Variants in MAN1A2 observed in about 807,000 individuals in gnomAD.
MAN1A2 encodes mannosyl-oligosaccharide 1,2-alpha-mannosidase IB.
In MAN1A2, 26 loss-of-function variants were observed where a neutral mutation model predicts 75.7. That is an observed-to-expected ratio of 0.34 (90% CI 0.25 to 0.48). The LOEUF (loss-of-function observed/expected upper bound fraction) is 0.48. Among genes scored for constraint, MAN1A2 ranks in the 20% least tolerant of loss-of-function variants. The probability of loss-of-function intolerance (pLI) is 0.99; values close to 1 mark genes in which losing one functional copy is unlikely to be tolerated. For missense variants in MAN1A2, 562 were observed against 775.5 expected, an observed-to-expected ratio of 0.72 and a Z score of 3.27; for synonymous variants, 247 against 264.6, an observed-to-expected ratio of 0.93 and a Z score of 0.65.
intron 7 of MAN1A2, among the ~76,000 whole-genome samples, chr1:117,463,107 TATTA>T (rs920060874): frequency 1.1e-4 from 16 of 150,720 alleles, no homozygotes; most frequent in Non-Finnish European, 1.8e-4. Context: ...AATATTTTTA[TATTA>T]ATTATGTTAA....
intron 8 of MAN1A2, among the ~76,000 whole-genome samples, chr1:117,491,033 C>T (rs974258996): frequency 6.6e-6 from 1 of 151,926 alleles, no homozygotes; most frequent in Non-Finnish European, 1.5e-5. Flanking sequence ...AAGGAAGCTG[C>T]CTCCAAAACA....
chr1:117,525,023 C>A lies in MAN1A2; in HGVS notation c.*2066C>A. ...GAGCAGCAGTGCAGATGGCAATGAA[C>A]TCTCTGAATTCTCTTTTACCTTATT... On this transcript the variant is annotated 3_prime_UTR_variant, in exon 13 of 13. Transcript: ENST00000356554. The A allele has an allele frequency of 2.1e-6, 1 of 467,376 alleles. No homozygotes were observed. The highest frequency in any genetic ancestry group is 2.0e-5 in the African/African-American group (1 of 50,374). The allele number at this position is 467,376 out of a possible 1,614,324, so 29.0% of individuals were successfully genotyped here. A position where few individuals can be genotyped will look rare whatever the true frequency, so the allele number is the denominator to read the frequency against.
intron 12 of MAN1A2, 76 bp downstream of exon 12, chr1:117,503,046 C>A: frequency 1.4e-6 from 1 of 699,740 alleles, no homozygotes; most frequent in Non-Finnish European, 2.3e-6. Context: ...TGAATTACAA[C>A]TATGTGACAG....
Position 117,414,791 on chromosome 1 carries a change from A to C in MAN1A2, c.734A>C (p.Asp245Ala), listed in dbSNP as rs767302157. The C allele has an allele frequency of 6.2e-7, 1 of 1,609,312 alleles. No homozygotes were observed. The highest frequency in any genetic ancestry group is 1.7e-5 in the Admixed American group (1 of 59,808). ...ATGGGACTTCATGATGAATTCCTAG[A>C]TGGGCAAAGATGGATTGAAGACAAC... ...YIMGLHDEFL[D>A]GQRWIEDNLD... is the part of the protein sequence containing the mutation. The change falls in exon 4 of 13, where the codon GAT becomes GCT. Residue 245 changes from aspartate to alanine, a missense_variant. Physicochemically the swap from Asp to Ala is moderately radical, Grantham distance 126. This residue lies in a region of MAN1A2 where 434 missense variants were observed against 645.7 expected (regional missense o/e 0.67). Transcript: ENST00000356554.
chr1:117,481,367 C>A (rs180947482), intron 8 of MAN1A2, among the ~76,000 whole-genome samples: 4 of 151,708 alleles, frequency 2.6e-5, no homozygotes, highest in Non-Finnish European at 5.9e-5. Context: ...CTTCTGTTCA[C>A]TTCTCAATAC....
At chr1:117,518,031 C>G (rs1651764554) in intron 12 of MAN1A2, among the ~76,000 whole-genome samples, 1 of 151,854 alleles carries the variant, frequency 6.6e-6, no homozygotes, top group Admixed American at 6.6e-5. Flanking sequence ...TACAGAGGAT[C>G]TTTATATCAT....
chr1:117,383,188 C>G (rs1653409651), intron 1 of MAN1A2, among the ~76,000 whole-genome samples: 1 of 152,114 alleles, frequency 6.6e-6, no homozygotes, highest in Non-Finnish European at 1.5e-5. Flanking sequence ...TGCCCTTTAT[C>G]ATGTTGAGGA....
chr1:117,395,157 T>C (rs116765687), intron 1 of MAN1A2, among the ~76,000 whole-genome samples: 2,129 of 152,278 alleles, frequency 0.014, 23 homozygotes, highest in Non-Finnish European at 0.02. Context: ...TTTAGCAGGA[T>C]CATGGGTCTA....
intron 8 of MAN1A2, among the ~76,000 whole-genome samples, chr1:117,484,135 C>G (rs1276305178): frequency 2.0e-5 from 3 of 151,746 alleles, no homozygotes; most frequent in Non-Finnish European, 4.4e-5. Flanking sequence ...AGAAGTCTTA[C>G]CAATAACATA....
Position 117,368,161 on chromosome 1 carries a change from T to G in MAN1A2, c.-23T>G. On this transcript the variant is annotated 5_prime_UTR_variant, in exon 1 of 13. Coordinates refer to ENST00000356554, the MANE Select transcript of MAN1A2 (RefSeq NM_006699.5). The stretch of plus-strand genomic sequence containing the variant: ...GACATAAGATGAGAACTTTCTAAAG[T>G]ATTCTCTCCAAGAGCGTAAACGATG... The G allele has an allele frequency of 6.4e-7, 1 of 1,572,338 alleles. No individual in the cohort carries two copies.
At chr1:117,468,649 T>C (rs1326630993) in intron 8 of MAN1A2, among the ~76,000 whole-genome samples, 1 of 152,168 alleles carries the variant, frequency 6.6e-6, no homozygotes, top group African/African-American at 2.4e-5. Flanking sequence ...TTGTAGCTAG[T>C]GCTTCTACAT....
At chr1:117,438,824 A>G (rs1353294085) in intron 5 of MAN1A2, among the ~76,000 whole-genome samples, 2 of 152,170 alleles carry the variant, frequency 1.3e-5, no homozygotes, top group African/African-American at 2.4e-5. Context: ...GGTTTGTGTA[A>G]GTATACCCTA....
chr1:117,509,049 T>C (rs1252124817), intron 12 of MAN1A2, among the ~76,000 whole-genome samples: 3 of 151,384 alleles, frequency 2.0e-5, no homozygotes, highest in Non-Finnish European at 4.4e-5. Flanking sequence ...ACCCTAGGGA[T>C]GAAGATGGCA....
intron 6 of MAN1A2, among the ~76,000 whole-genome samples, chr1:117,444,418 G>T (rs1649144242): frequency 6.7e-6 from 1 of 150,148 alleles, no homozygotes; most frequent in Non-Finnish European, 1.5e-5. Context: ...TTAATCTGTG[G>T]GACAGATTTC....
At chr1:117,512,613 AG>A (rs1651570797) in intron 12 of MAN1A2, among the ~76,000 whole-genome samples, 1 of 152,104 alleles carries the variant, frequency 6.6e-6, no homozygotes, top group Admixed American at 6.6e-5. Context: ...CAGGTGGGCA[AG>A]TCTTTGCTTA....
intron 6 of MAN1A2, among the ~76,000 whole-genome samples, chr1:117,458,497 C>CTATATATATATAGA: frequency 9.6e-6 from 1 of 103,784 alleles, no homozygotes; most frequent in African/African-American, 3.3e-5. Context: ...ATATATATAT[C>CTATATATATATAGA]TATATATATA....
In MAN1A2 at chr1:117,525,208, A is replaced by G. The variant is rs1651977524; in HGVS notation, c.*2251A>G. On this transcript the variant is annotated 3_prime_UTR_variant, in exon 13 of 13. Coordinates refer to ENST00000356554, the MANE Select transcript of MAN1A2 (RefSeq NM_006699.5). Reference sequence around the variant, plus strand: ...ATACAAGCAGAGCCAGTTCTGGTACAAACAAAGAATTTGACAGGGACAATG... The same window carrying G: ...ATACAAGCAGAGCCAGTTCTGGTACGAACAAAGAATTTGACAGGGACAATG... 2.0e-6 allele frequency: 1 copy of G among 488,418 alleles called. No individual in the cohort carries two copies. The highest frequency in any genetic ancestry group is 1.5e-5 in the South Asian group (1 of 65,400). 30.3% of individuals were successfully genotyped at this position (488,418 alleles called of 1,614,324 possible). A position where few individuals can be genotyped will look rare whatever the true frequency, so the allele number is the denominator to read the frequency against.
chr1:117,516,178 C>G (rs1392512588), intron 12 of MAN1A2, among the ~76,000 whole-genome samples: 1 of 151,958 alleles, frequency 6.6e-6, no homozygotes, highest in Non-Finnish European at 1.5e-5. Context: ...TGGATTCTTG[C>G]AGTAATTTAA....
intron 3 of MAN1A2, among the ~76,000 whole-genome samples, chr1:117,408,014 C>T (rs1647669441): frequency 6.6e-6 from 1 of 152,106 alleles, no homozygotes; most frequent in African/African-American, 2.4e-5. Context: ...GAGGATGGGA[C>T]ATGTTCTTTT....
Sources: gnomAD v4.1 joint callset for allele counts (sites outside exome capture counted in the v4.1 genomes callset) on GRCh38, gnomAD v4.1.1 for gene constraint, gnomAD v4.1.1 regional missense constraint, MANE v1.5 for transcripts, NCBI Gene and HGNC (gene_info 2026-07-23, HGNC 2026-07-21) for gene names.